Variants in PDE11A observed in about 807,000 individuals in gnomAD.
The protein encoded by PDE11A is dual 3',5'-cyclic-AMP and -GMP phosphodiesterase 11A.
A neutral mutation model predicts 100.5 loss-of-function variants in PDE11A; 100 were observed. The ratio of observed to expected loss-of-function variants is 1.00; its 90% CI spans 0.85 to 1.18. The LOEUF (loss-of-function observed/expected upper bound fraction) is 1.18, where lower values mean the gene tolerates loss of function less well. Among genes scored for constraint, PDE11A ranks in the 50% most tolerant of loss-of-function variants. PDE11A has a pLI of 0.00. For missense variants in PDE11A, 1,141 were observed against 1,152.6 expected (o/e 0.99, Z 0.15); for synonymous variants, 381 against 420.8 (o/e 0.91, Z 1.16).
At chr2:178,042,751 G>A (rs2086699747) in intron 1 of PDE11A, among the ~76,000 whole-genome samples, 1 of 152,122 alleles carries the variant, frequency 6.6e-6, no homozygotes, top group East Asian at 1.9e-4. Flanking sequence ...AAACTTGCAA[G>A]CATTCAGGAT....
At chr2:178,085,434 C>T (rs556370997) in intron 2 of PDE11A, among the ~76,000 whole-genome samples, 28 of 152,190 alleles carry the variant, frequency 1.8e-4, no homozygotes, top group African/African-American at 6.7e-4. Flanking sequence ...ATACTATGCT[C>T]ACTACTTGGG....
At chr2:177,890,300 T>G (rs574849372) in intron 4 of PDE11A, among the ~76,000 whole-genome samples, 16 of 152,302 alleles carry the variant, frequency 1.1e-4, no homozygotes, top group South Asian at 2.1e-4. Flanking sequence ...ACTTTCCTTG[T>G]TCCACTCACC....
chr2:177,937,788 C>T (rs997349833), intron 2 of PDE11A, among the ~76,000 whole-genome samples: 14 of 152,146 alleles, frequency 9.2e-5, no homozygotes, highest in African/African-American at 2.7e-4. Context: ...AGACAGGATG[C>T]AGATTCATCT....
chr2:177,998,171 A>AC (rs1270817700), intron 2 of PDE11A: 2 of 922,246 alleles, frequency 2.2e-6, no homozygotes, highest in African/African-American at 3.2e-5. Context: ...AAGCTTTTTA[A>AC]CCCAGACAGT....
intron 10 of PDE11A, among the ~76,000 whole-genome samples, chr2:177,765,906 A>T (rs1023951433): frequency 2.6e-5 from 4 of 152,210 alleles, no homozygotes; most frequent in Admixed American, 2.6e-4. Flanking sequence ...ATGTGGTGCA[A>T]CTTGGGTTCC....
chr2:177,779,323 T>G (rs1007383544), intron 9 of PDE11A, among the ~76,000 whole-genome samples: 1 of 152,168 alleles, frequency 6.6e-6, no homozygotes, highest in Non-Finnish European at 1.5e-5. Flanking sequence ...GTGCGGTGGT[T>G]GCTGAAGCTA....
At chr2:177,740,268 T>C (rs1045230909) in intron 10 of PDE11A, among the ~76,000 whole-genome samples, 2 of 152,170 alleles carry the variant, frequency 1.3e-5, no homozygotes, top group Admixed American at 6.5e-5. Context: ...CAAAGGTCAG[T>C]GAAGATATTC....
chr2:177,849,340 G>A (rs1168863929), intron 5 of PDE11A, among the ~76,000 whole-genome samples: 4 of 152,194 alleles, frequency 2.6e-5, no homozygotes, highest in African/African-American at 4.8e-5. Flanking sequence ...CTGGTCTTTA[G>A]AGGATAAGTA....
In PDE11A at chr2:178,072,507, G is replaced by C. The variant is rs886803608; in HGVS notation, c.-70C>G. 40 of 1,595,966 alleles carry C rather than the reference G, an allele frequency of 2.5e-5. No homozygotes were observed. Among genetic ancestry groups the C allele is most frequent in the Non-Finnish European group, 3.4e-5 (40 of 1,175,708 alleles). On this transcript the variant is annotated 5_prime_UTR_variant, in exon 1 of 20. Coordinates refer to ENST00000286063, the MANE Select transcript of PDE11A (RefSeq NM_016953.4). ...TTTTCCTGCCCCGAGGCCTCTAGCT[G>C]TTCCTGCACATGTTCACCCCCACCA...
At chr2:177,747,651 A>G (rs2081970408) in intron 10 of PDE11A, among the ~76,000 whole-genome samples, 1 of 151,942 alleles carries the variant, frequency 6.6e-6, no homozygotes, top group South Asian at 2.1e-4. Flanking sequence ...TTCCATCCCC[A>G]CCCAGGATCC....
chr2:177,806,499 C>T (rs1242757375), intron 9 of PDE11A, among the ~76,000 whole-genome samples: 2 of 152,162 alleles, frequency 1.3e-5, no homozygotes, highest in Non-Finnish European at 2.9e-5. Flanking sequence ...TTTAAAAAAT[C>T]ACATATCCTC....
At chr2:178,048,443 C>G (rs1225271022) in intron 1 of PDE11A, among the ~76,000 whole-genome samples, 1 of 152,150 alleles carries the variant, frequency 6.6e-6, no homozygotes, top group Non-Finnish European at 1.5e-5. Context: ...TCCCCCTTTT[C>G]TGTTTTCCAT....
intron 5 of PDE11A, among the ~76,000 whole-genome samples, chr2:177,871,092 T>C (rs1435377560): frequency 6.6e-6 from 1 of 152,268 alleles, no homozygotes; most frequent in Non-Finnish European, 1.5e-5. Context: ...AATGTCCACA[T>C]AAAAGGTTTA....
intron 6 of PDE11A, among the ~76,000 whole-genome samples, chr2:177,827,078 C>T (rs1371465153): frequency 1.3e-5 from 2 of 152,198 alleles, no homozygotes; most frequent in Admixed American, 6.5e-5. Flanking sequence ...GAGTGCTCCA[C>T]CACAAAGATC....
At chr2:178,089,710 G>A (rs1559068495) in intron 2 of PDE11A, among the ~76,000 whole-genome samples, 1 of 152,190 alleles carries the variant, frequency 6.6e-6, no homozygotes, top group Non-Finnish European at 1.5e-5. Context: ...CTTTGTTAAT[G>A]GCTCTGCATC....
intron 5 of PDE11A, among the ~76,000 whole-genome samples, chr2:177,871,449 T>C (rs1000928799): frequency 6.6e-6 from 1 of 151,964 alleles, no homozygotes; most frequent in Non-Finnish European, 1.5e-5. Flanking sequence ...GCCCACATCA[T>C]AGAACGCTGC....
At chr2:177,639,715 T>A (rs971435968) in intron 19 of PDE11A, among the ~76,000 whole-genome samples, 4 of 152,372 alleles carry the variant, frequency 2.6e-5, no homozygotes, top group Admixed American at 1.3e-4. Flanking sequence ...GGTCCACATC[T>A]GTTATCATCT....
intron 19 of PDE11A, among the ~76,000 whole-genome samples, chr2:177,649,559 CATAT>C (rs1223940132): frequency 1.3e-5 from 2 of 152,150 alleles, no homozygotes; most frequent in Non-Finnish European, 2.9e-5. Flanking sequence ...TTCATAGATA[CATAT>C]GCACTTACAC....
intron 19 of PDE11A, among the ~76,000 whole-genome samples, chr2:177,633,154 G>A (rs992390533): frequency 4.6e-5 from 7 of 152,190 alleles, no homozygotes; most frequent in African/African-American, 1.4e-4. Flanking sequence ...CCCTGGTCCC[G>A]TGTAAACACC....
Sources: gnomAD v4.1 joint callset for allele counts (sites outside exome capture counted in the v4.1 genomes callset) on GRCh38, gnomAD v4.1.1 for gene constraint, MANE v1.5 for transcripts, NCBI Gene and HGNC (gene_info 2026-07-23, HGNC 2026-07-21) for gene names.